The following ARHGAP24 variants were observed in gnomAD, a reference collection of about 807,000 sequenced individuals.
ARHGAP24 encodes rho GTPase-activating protein 24.
Under a neutral mutation model 76.4 loss-of-function variants are expected in ARHGAP24, and 50 were observed. The ratio of observed to expected loss-of-function variants is 0.65; its 90% CI spans 0.52 to 0.83. ARHGAP24 has a LOEUF of 0.83. ARHGAP24 is among the 40% of genes least tolerant of loss of function. ARHGAP24 has a pLI of 0.00. For missense variants in ARHGAP24, 930 were observed against 914.2 expected (o/e 1.02, Z -0.22); for synonymous variants, 345 against 323.3 (o/e 1.07, Z -0.72).
intron 3 of ARHGAP24, among the ~76,000 whole-genome samples, chr4:85,906,625 T>G (rs1026271144): frequency 2.0e-5 from 3 of 152,084 alleles, no homozygotes; most frequent in Non-Finnish European, 4.4e-5. Context: ...TGCCTGAAAA[T>G]TATAGTGAAA....
chr4:85,654,965 A>C (rs1418080147), intron 2 of ARHGAP24, among the ~76,000 whole-genome samples: 22 of 152,246 alleles, frequency 1.4e-4, no homozygotes, highest in Non-Finnish European at 5.9e-5. Flanking sequence ...GAATATATAC[A>C]GAATTAGCTA....
intron 1 of ARHGAP24, among the ~76,000 whole-genome samples, chr4:85,560,690 G>C (rs9307005): frequency 0.85 from 129,056 of 152,144 alleles, 56,247 homozygotes; most frequent in East Asian, 0.98. Flanking sequence ...TCTTTTCATG[G>C]TTATACTTTT....
At chr4:85,672,424 CAG>C (rs1560579194) in intron 2 of ARHGAP24, among the ~76,000 whole-genome samples, 2 of 152,196 alleles carry the variant, frequency 1.3e-5, no homozygotes. Context: ...AGAATACACA[CAG>C]ATGTCACAAT....
At chr4:85,633,139 T>C (rs766691433) in intron 2 of ARHGAP24, among the ~76,000 whole-genome samples, 6 of 151,884 alleles carry the variant, frequency 4.0e-5, no homozygotes, top group Non-Finnish European at 7.4e-5. Flanking sequence ...GCACCTCTCA[T>C]ATTAACAGTT....
intron 3 of ARHGAP24, among the ~76,000 whole-genome samples, chr4:85,807,174 T>C (rs1728826576): frequency 6.6e-6 from 1 of 152,178 alleles, no homozygotes; most frequent in South Asian, 2.1e-4. Context: ...GTGTGTTACA[T>C]AGGTATACAC....
intron 2 of ARHGAP24, among the ~76,000 whole-genome samples, chr4:85,589,770 T>C (rs10009042): frequency 0.013 from 1,941 of 152,368 alleles, 44 homozygotes; most frequent in African/African-American, 0.044. Flanking sequence ...TTAATAAATA[T>C]GTGCAGTACA....
Position 85,632,196 on chromosome 4 carries a change from C to T in ARHGAP24, c.180+61475C>T, listed in dbSNP as rs946861674. On this transcript the variant is annotated intron_variant, in intron 2 of 9. Transcript: ENST00000395184. Reference sequence around the variant, plus strand: ...CTCATGATTCATCTATTTTTGTTGTCTTACCATATGTTCTCTGATCTCTAT... The same window carrying T: ...CTCATGATTCATCTATTTTTGTTGTTTTACCATATGTTCTCTGATCTCTAT... Among the ~76,000 whole-genome samples, 27 of 151,628 alleles carry T rather than the reference C, an allele frequency of 1.8e-4. 2 individuals carry two copies. Among genetic ancestry groups the T allele is most frequent in the Non-Finnish European group, 1.5e-5 (1 of 67,826 alleles).
intron 3 of ARHGAP24, among the ~76,000 whole-genome samples, chr4:85,916,154 T>C (rs1260307007): frequency 6.6e-6 from 1 of 152,236 alleles, no homozygotes; most frequent in East Asian, 1.9e-4. Context: ...TTGATTTGCA[T>C]TTCTCTAATG....
intron 3 of ARHGAP24, among the ~76,000 whole-genome samples, chr4:85,730,508 G>T (rs1031736339): frequency 1.3e-5 from 2 of 152,174 alleles, no homozygotes; most frequent in African/African-American, 4.8e-5. Context: ...TTGGGCTCAA[G>T]TGATCCTCCT....
intron 2 of ARHGAP24, among the ~76,000 whole-genome samples, chr4:85,656,247 A>G (rs1722164428): frequency 6.6e-6 from 1 of 152,182 alleles, no homozygotes; most frequent in South Asian, 2.1e-4. Flanking sequence ...AGATAAAACA[A>G]TTTGTGGAAC....
intron 3 of ARHGAP24, among the ~76,000 whole-genome samples, chr4:85,923,245 G>C (rs1403401134): frequency 1.3e-5 from 2 of 152,118 alleles, no homozygotes; most frequent in Admixed American, 1.3e-4. Context: ...GCAGTTCTCA[G>C]ACTGTTCCAC....
chr4:85,487,350 A>AAT (rs531475898), intron 1 of ARHGAP24, among the ~76,000 whole-genome samples: 4,979 of 114,234 alleles, frequency 0.044, 491 homozygotes, highest in African/African-American at 0.17. Context: ...ATACATTTAT[A>AAT]ATATATATAA....
At chr4:85,942,466 T>G in intron 5 of ARHGAP24, 193 bp downstream of exon 5, 2 of 576,168 alleles carry the variant, frequency 3.5e-6, no homozygotes, top group Admixed American at 3.1e-5. Context: ...TATCTTTCTC[T>G]TCCATACTTT....
intron 3 of ARHGAP24, among the ~76,000 whole-genome samples, chr4:85,763,311 A>T (rs903510690): frequency 6.6e-6 from 1 of 152,200 alleles, no homozygotes; most frequent in African/African-American, 2.4e-5. Context: ...TATTTGCAAG[A>T]ATGATTAACC....
At chr4:85,964,830 C>G (rs1738481163) in intron 5 of ARHGAP24, among the ~76,000 whole-genome samples, 2 of 151,858 alleles carry the variant, frequency 1.3e-5, no homozygotes, top group Admixed American at 1.3e-4. Flanking sequence ...TATTGAGTAT[C>G]TTATATACGT....
At chr4:85,651,743 G>A (rs28423069) in intron 2 of ARHGAP24, among the ~76,000 whole-genome samples, 53,004 of 141,332 alleles carry the variant, frequency 0.38, 11,920 homozygotes, top group East Asian at 0.84. Context: ...TTTATAATTT[G>A]TTGACTGTCT....
At chr4:85,536,540 A>G (rs1725478215) in intron 1 of ARHGAP24, among the ~76,000 whole-genome samples, 1 of 152,156 alleles carries the variant, frequency 6.6e-6, no homozygotes, top group Non-Finnish European at 1.5e-5. Flanking sequence ...ACTCTAATTA[A>G]TACATCTACC....
intron 3 of ARHGAP24, among the ~76,000 whole-genome samples, chr4:85,739,812 G>C (rs1308939925): frequency 8.0e-4 from 6 of 7,524 alleles, no homozygotes; most frequent in African/African-American, 8.5e-4. Context: ...ATTTTTAGTA[G>C]AGACGGGGTT....
At chr4:85,754,308 A>C (rs1284542639) in intron 3 of ARHGAP24, among the ~76,000 whole-genome samples, 3 of 152,154 alleles carry the variant, frequency 2.0e-5, no homozygotes, top group Non-Finnish European at 4.4e-5. Context: ...CAGATATCAC[A>C]TTTTCTTTAT....
Sources: gnomAD v4.1 joint callset for allele counts (sites outside exome capture counted in the v4.1 genomes callset) on GRCh38, gnomAD v4.1.1 for gene constraint, MANE v1.5 for transcripts, NCBI Gene and HGNC (gene_info 2026-07-23, HGNC 2026-07-21) for gene names.